The following TRAK1 variants were observed in gnomAD, a reference collection of about 807,000 sequenced individuals.
The protein encoded by TRAK1 is trafficking kinesin-binding protein 1.
A neutral mutation model predicts 92.1 loss-of-function variants in TRAK1; 33 were observed. That is an observed-to-expected ratio of 0.36 (90% CI 0.27 to 0.48). The LOEUF (loss-of-function observed/expected upper bound fraction) is 0.48, where lower values mean the gene tolerates loss of function less well. TRAK1 is among the 20% of genes least tolerant of loss of function. The pLI is 0.99. For synonymous variants in TRAK1, 521 were observed against 517.3 expected (o/e 1.01, Z -0.10); for missense variants, 1,123 against 1,257.9 (o/e 0.89, Z 1.62).
chr3:42,094,680 A>T (rs1324739199), intron 1 of TRAK1, among the ~76,000 whole-genome samples: 1 of 152,230 alleles, frequency 6.6e-6, no homozygotes, highest in Non-Finnish European at 1.5e-5. Flanking sequence ...CAAAGGTGTA[A>T]CTTTATAACT....
rs760062464 is a variant in TRAK1 at position 42,188,145 on chromosome 3, C to T, written c.581C>T (p.Pro194Leu). The change falls in exon 5 of 16, where the codon CCG becomes CTG. Residue 194 changes from proline to leucine, a missense_variant and splice_region_variant. By Grantham distance (98) the Pro-to-Leu change is moderately conservative. Transcript: ENST00000327628. ...GAGCCCGAGTCCGTTTGCTCAACCCCGTAAGTCACCAGAGGGCTGTATTTC... is the reference window on the plus strand; with the variant it reads ...GAGCCCGAGTCCGTTTGCTCAACCCTGTAAGTCACCAGAGGGCTGTATTTC... ...ESEPESVCST[P>L]LKRNESSSSV... The T allele has an allele frequency of 8.7e-6, 14 of 1,613,888 alleles. No individual in the cohort carries two copies. The highest frequency in any genetic ancestry group is 6.6e-5 in the South Asian group (6 of 91,086).
At chr3:42,046,812 A>G (rs1026411454) in intron 1 of TRAK1, among the ~76,000 whole-genome samples, 1 of 152,160 alleles carries the variant, frequency 6.6e-6, no homozygotes, top group African/African-American at 2.4e-5. Flanking sequence ...CTAAGCACTA[A>G]TGGTGCTAAT....
intron 9 of TRAK1, among the ~76,000 whole-genome samples, chr3:42,194,304 G>T (rs984541489): frequency 1.3e-5 from 2 of 152,106 alleles, no homozygotes; most frequent in Non-Finnish European, 2.9e-5. Flanking sequence ...GAGTACAGTG[G>T]CATGAGCATG....
At position 42,202,638 on chromosome 3, in the gene TRAK1, A is replaced by G; in HGVS notation, c.1630A>G (p.Ile544Val). ...CGGCTCCCTCACACCCACTGAGAGC[A>G]TCATGTCCCTGGGCACGCACTCCCG... Reference protein sequence around the residue: ...RSGSLTPTESIMSLGTHSRFS... With the variant: ...RSGSLTPTESVMSLGTHSRFS... Residue 544 changes from isoleucine to valine, a missense_variant, in exon 13 of 16, where the codon ATC (isoleucine) becomes GTC (valine). This residue lies in a region of TRAK1 where 686 missense variants were observed against 747.6 expected (regional missense o/e 0.92). Coordinates refer to ENST00000327628, the MANE Select transcript of TRAK1 (RefSeq NM_001042646.3). This position sits in a 1 kb window ranked among gnomAD's most constrained non-coding sequence, Gnocchi z 6.1. The G allele has an allele frequency of 6.2e-7, 1 of 1,611,778 alleles. No individual in the cohort carries two copies. Among genetic ancestry groups the G allele is most frequent in the Non-Finnish European group, 8.5e-7 (1 of 1,178,154 alleles).
intron 1 of TRAK1, among the ~76,000 whole-genome samples, chr3:42,036,340 C>T (rs554036321): frequency 6.6e-6 from 1 of 152,328 alleles, no homozygotes; most frequent in South Asian, 2.1e-4. Context: ...AGTAGGTACT[C>T]AGTAAATATT....
Position 42,202,736 on chromosome 3 carries a change from C to G in TRAK1, c.1728C>G (p.Ile576Met). The G allele has an allele frequency of 6.2e-7, 1 of 1,613,928 alleles. No homozygotes were observed. The highest frequency in any genetic ancestry group is 8.5e-7 in the Non-Finnish European group (1 of 1,179,894). ...CCTACCTGCCTGAGAAGCTCCAGAT[C>G]GTGAAGCCGCTGGAAGGTGATCACG... is the stretch of plus-strand genomic sequence containing the variant. ...SRSYLPEKLQ[I>M]VKPLEGSATL... The change falls in exon 13 of 16, where the codon ATC (isoleucine) becomes ATG (methionine). Residue 576 changes from isoleucine (I) to methionine (M), a missense_variant. This residue lies in a region of TRAK1 where 36 missense variants were observed against 71.3 expected (regional missense o/e 0.50). Transcript: ENST00000327628. The surrounding 1 kb of genome is among the most constrained non-coding windows in gnomAD (Gnocchi z 6.1).
At chr3:42,079,727 C>T (rs570152167) in intron 1 of TRAK1, among the ~76,000 whole-genome samples, 1 of 152,136 alleles carries the variant, frequency 6.6e-6, no homozygotes, top group South Asian at 2.1e-4. Flanking sequence ...GTGATCCGCC[C>T]TCCTCGGCCT....
chr3:42,214,619 G>C (rs780837618), intron 14 of TRAK1, among the ~76,000 whole-genome samples: 3 of 152,144 alleles, frequency 2.0e-5, no homozygotes, highest in Non-Finnish European at 4.4e-5. Flanking sequence ...GATGAAACAG[G>C]GTAGGCAACT....
chr3:42,035,841 A>G (rs749189235), intron 1 of TRAK1, among the ~76,000 whole-genome samples: 4 of 152,152 alleles, frequency 2.6e-5, no homozygotes, highest in African/African-American at 9.7e-5. Context: ...TCCCTTCTCC[A>G]GGACTTTTGC....
chr3:42,159,320 C>A (rs1001895766), intron 2 of TRAK1, among the ~76,000 whole-genome samples: 5 of 152,058 alleles, frequency 3.3e-5, no homozygotes, highest in African/African-American at 1.2e-4. Flanking sequence ...GAGCAGGAGA[C>A]CTGCACAGTG....
intron 1 of TRAK1, among the ~76,000 whole-genome samples, chr3:42,032,168 T>C (rs949503568): frequency 3.9e-5 from 6 of 152,208 alleles, no homozygotes; most frequent in Non-Finnish European, 8.8e-5. Context: ...GTAGAGACTC[T>C]AGAAGGTGCA....
At chr3:42,134,191 C>T (rs1217909972) in intron 2 of TRAK1, among the ~76,000 whole-genome samples, 18 of 109,796 alleles carry the variant, frequency 1.6e-4, no homozygotes, top group Non-Finnish European at 3.0e-4. Context: ...TCCCCTTCCC[C>T]CTCCCCTTCC....
intron 1 of TRAK1, among the ~76,000 whole-genome samples, chr3:42,077,520 C>G (rs1704214631): frequency 1.3e-5 from 2 of 152,208 alleles, no homozygotes; most frequent in African/African-American, 4.8e-5. Context: ...AACTCCTGAC[C>G]TCAAGTGACC....
chr3:42,209,851 A>G lies in TRAK1; in HGVS notation c.1829A>G (p.Lys610Arg). ...ILDPRPGVVTKGFRTLDVDLD... is the reference protein window; with the variant it reads ...ILDPRPGVVTRGFRTLDVDLD... ...GACCCCCGGCCCGGTGTGGTCACCA[A>G]GGGCTTCCGGACGCTGGATGTTGAC... Residue 610 changes from lysine to arginine, a missense_variant, in exon 14 of 16, where the codon AAG (lysine) becomes AGG (arginine). By Grantham distance (26) the Lys-to-Arg change is conservative (BLOSUM62 2). This residue lies in a region of TRAK1 where 36 missense variants were observed against 71.3 expected (regional missense o/e 0.50). Transcript: ENST00000327628. 6.2e-7 allele frequency: 1 copy of G among 1,614,216 alleles called. No homozygotes were observed. The highest frequency in any genetic ancestry group is 8.5e-7 in the Non-Finnish European group (1 of 1,180,042).
At chr3:42,194,434 C>T (rs1706297775) in intron 9 of TRAK1, among the ~76,000 whole-genome samples, 1 of 151,328 alleles carries the variant, frequency 6.6e-6, no homozygotes, top group Non-Finnish European at 1.5e-5. Context: ...ATGAGGTTTT[C>T]CCATGTCGCC....
intron 1 of TRAK1, among the ~76,000 whole-genome samples, chr3:42,092,017 A>G (rs1268080206): frequency 6.6e-6 from 1 of 152,188 alleles, no homozygotes; most frequent in African/African-American, 2.4e-5. Context: ...ATCTTGGGTC[A>G]GCAAGGAGTT....
chr3:42,052,787 C>G lies in TRAK1; in HGVS notation c.-518-34317C>G, dbSNP rs1267646289. 2.0e-5 allele frequency among the ~76,000 whole-genome samples: 3 copies of G among 152,264 alleles called. No homozygotes were observed. In the East Asian group the frequency reaches 5.8e-4, roughly 29 times the overall value. On this transcript the variant is annotated intron_variant, in intron 1 of 16. Coordinates refer to the TRAK1 transcript ENST00000487159. The stretch of plus-strand genomic sequence containing the variant: ...CATTGTTCTGTATTGCCCCCTCCCC[C>G]ATTATGAAAGAGTCCCGTGACACCA...
At chr3:42,132,846 C>T (rs1035441729) in intron 2 of TRAK1, among the ~76,000 whole-genome samples, 1 of 152,162 alleles carries the variant, frequency 6.6e-6, no homozygotes, top group African/African-American at 2.4e-5. Context: ...GCCTCATGTA[C>T]CCACATACTG....
intron 11 of TRAK1, among the ~76,000 whole-genome samples, chr3:42,199,960 A>C (rs1271157265): frequency 6.6e-6 from 1 of 152,236 alleles, no homozygotes; most frequent in Non-Finnish European, 1.5e-5. Flanking sequence ...AGGGGTCTTC[A>C]AAGATTTTGT....
Sources: allele counts gnomAD v4.1 joint callset (sites outside exome capture counted in the v4.1 genomes callset), GRCh38; gene constraint gnomAD v4.1.1; regional missense constraint gnomAD v4.1.1; non-coding constraint Gnocchi (gnomAD v3.1); transcripts MANE v1.5; gene names NCBI Gene and HGNC (gene_info 2026-07-23, HGNC 2026-07-21).